Variants in USH2A observed in about 807,000 individuals in gnomAD.
USH2A encodes the protein Usher syndrome 2A (autosomal recessive, mild).
In USH2A, 443 loss-of-function variants were observed where a neutral mutation model predicts 538.9. The ratio of observed to expected loss-of-function variants is 0.82; its 90% confidence interval spans 0.76 to 0.89. USH2A has a LOEUF of 0.89. Among genes scored for constraint, USH2A ranks in the 40% least tolerant of loss-of-function variants. The pLI is 0.00. For missense variants in USH2A, 6,633 were observed against 6,324.8 expected, an observed-to-expected ratio of 1.05 and a Z score of -1.65; for synonymous variants, 2,413 against 2,273.5, an observed-to-expected ratio of 1.06 and a Z score of -1.75.
intron 21 of USH2A, among the ~76,000 whole-genome samples, chr1:216,172,906 G>T (rs1034610843): frequency 1.3e-5 from 2 of 152,098 alleles, no homozygotes; most frequent in Admixed American, 1.3e-4. Context: ...GTCTACAAAA[G>T]TTCCTTTCCA....
intron 21 of USH2A, among the ~76,000 whole-genome samples, chr1:216,157,032 C>A (rs1321357822): frequency 6.6e-6 from 1 of 152,018 alleles, no homozygotes; most frequent in Non-Finnish European, 1.5e-5. Flanking sequence ...CACCACCATG[C>A]CCAGCTAATT....
rs2038565764 is a variant in USH2A at position 216,364,940 on chromosome 1, G to A, written c.784+13C>T. 6.2e-7 allele frequency: 1 copy of A among 1,613,192 alleles called. No homozygotes were observed. The highest frequency in any genetic ancestry group is 8.5e-7 in the Non-Finnish European group (1 of 1,179,478). ...TGGATGAAATAAATAACATTCTGAA[G>A]TCAGAAACTTACCATTTAAACTCTG... On this transcript the variant is annotated intron_variant, in intron 4 of 71. Coordinates refer to ENST00000307340, the MANE Select transcript of USH2A (RefSeq NM_206933.4).
At chr1:215,755,826 G>T (rs957390746) in intron 58 of USH2A, among the ~76,000 whole-genome samples, 1 of 152,046 alleles carries the variant, frequency 6.6e-6, no homozygotes, top group Non-Finnish European at 1.5e-5. Context: ...TGAAAGTTGT[G>T]TTTTATTCCA....
Position 216,072,943 on chromosome 1 carries a change from G to A in USH2A, c.5803C>T (p.His1935Tyr). ...TEYLYRVIAS[H>Y]EGGSVYSDWS... ...TCACTATATACTGAACCTCCTTCATGCGAGGCTATCACTCGATACAGGTAT... is the reference window on the plus strand; with the variant it reads ...TCACTATATACTGAACCTCCTTCATACGAGGCTATCACTCGATACAGGTAT... Residue 1935 changes from histidine to tyrosine, a missense_variant, in exon 29 of 72, where the codon CAT (histidine) becomes TAT (tyrosine). Transcript: ENST00000307340. 6.2e-7 allele frequency: 1 copy of A among 1,613,912 alleles called. No individual in the cohort carries two copies. Among genetic ancestry groups the A allele is most frequent in the Non-Finnish European group, 8.5e-7 (1 of 1,179,888 alleles).
At chr1:216,011,657 G>A (rs1307671383) in intron 32 of USH2A, among the ~76,000 whole-genome samples, 1 of 152,048 alleles carries the variant, frequency 6.6e-6, no homozygotes, top group African/African-American at 2.4e-5. Context: ...GGCTGCTGCA[G>A]CCCTAATACT....
At chr1:216,195,400 T>C (rs2034816543) in intron 19 of USH2A, among the ~76,000 whole-genome samples, 1 of 152,092 alleles carries the variant, frequency 6.6e-6, no homozygotes, top group Non-Finnish European at 1.5e-5. Context: ...AGAATTTAGT[T>C]TACAGATAGG....
chr1:216,412,991 T>A (rs1298451419), intron 3 of USH2A, among the ~76,000 whole-genome samples: 1 of 152,084 alleles, frequency 6.6e-6, no homozygotes, highest in Non-Finnish European at 1.5e-5. Flanking sequence ...TTTAATATAG[T>A]GCACATAAAT....
At chr1:215,679,346 G>A (rs1310847502) in intron 62 of USH2A, among the ~76,000 whole-genome samples, 1 of 152,184 alleles carries the variant, frequency 6.6e-6, no homozygotes, top group African/African-American at 2.4e-5. Flanking sequence ...AGGGTAGTGT[G>A]TCTATAGCAG....
At chr1:216,330,709 C>T (rs914655954) in intron 4 of USH2A, among the ~76,000 whole-genome samples, 4 of 151,776 alleles carry the variant, frequency 2.6e-5, no homozygotes, top group African/African-American at 9.7e-5. Context: ...AAATGGGAAG[C>T]CATTGGAGGG....
chr1:216,109,177 G>A (rs1472346014), intron 21 of USH2A, among the ~76,000 whole-genome samples: 1 of 152,066 alleles, frequency 6.6e-6, no homozygotes. Context: ...CCACTTCTAG[G>A]GCCTCTTCAA....
At position 215,674,614 on chromosome 1, in the gene USH2A, C is replaced by A. The variant is rs111033381; in HGVS notation, c.13297G>T (p.Val4433Leu). The A allele has an allele frequency of 0.022, 34,795 of 1,614,142 alleles. 472 individuals are homozygous for A. The highest frequency in any genetic ancestry group is 0.024 in the Non-Finnish European group (28,267 of 1,180,022). ...ACTNGGCTASVSKSAWTMEAL... is the reference protein window; with the variant it reads ...ACTNGGCTASLSKSAWTMEAL... ...TCCATTGTCCAGGCAGATTTTGACA[C>A]ACTAGCTGTGCAACCTCCATTCGTG... Residue 4433 changes from valine to leucine, a missense_variant, in exon 63 of 72, where the codon GTG becomes TTG. By Grantham distance (32) the Val-to-Leu change is conservative. Transcript: ENST00000307340.
At chr1:215,650,271 GTGGT>G (rs1021735894) in intron 65 of USH2A, among the ~76,000 whole-genome samples, 1 of 152,144 alleles carries the variant, frequency 6.6e-6, no homozygotes, top group Non-Finnish European at 1.5e-5. Context: ...ACCACTCTAA[GTGGT>G]TGATCTGTTT....
chr1:216,175,212 C>T (rs577803553), intron 21 of USH2A, 40 bp downstream of exon 21: 1 of 1,612,324 alleles, frequency 6.2e-7, no homozygotes, highest in Admixed American at 1.7e-5. Context: ...CATTTTGGAG[C>T]TTCGTGTCTC....
chr1:215,659,837 C>G (rs770129248), intron 64 of USH2A, among the ~76,000 whole-genome samples: 6 of 152,084 alleles, frequency 3.9e-5, no homozygotes, highest in Non-Finnish European at 7.4e-5. Context: ...TTCAGCAGAG[C>G]CACCTTGAAC....
At chr1:215,960,667 C>A (rs1457303584) in intron 37 of USH2A, among the ~76,000 whole-genome samples, 2 of 152,076 alleles carry the variant, frequency 1.3e-5, no homozygotes, top group African/African-American at 4.8e-5. Context: ...CTAATCCTTA[C>A]TTTTATGGTG....
intron 50 of USH2A, 101 bp downstream of exon 50, chr1:215,798,806 T>G: frequency 2.3e-5 from 31 of 1,333,100 alleles, no homozygotes; most frequent in Non-Finnish European, 3.2e-5. Flanking sequence ...ATAACCAATG[T>G]GAGCTTTAAT....
At chr1:216,132,993 A>G (rs1214004894) in intron 21 of USH2A, among the ~76,000 whole-genome samples, 1 of 152,128 alleles carries the variant, frequency 6.6e-6, no homozygotes, top group Non-Finnish European at 1.5e-5. Context: ...CAAATTCCCA[A>G]AATGTTGATG....
Position 216,349,083 on chromosome 1 carries a change from C to T in USH2A, c.784+15870G>A, listed in dbSNP as rs377645700. ...ATACTCTTTGTGTAGGATAAGCTTA[C>T]CGAATGTTTTCTTAAATTAAATACT... On this transcript the variant is annotated intron_variant, in intron 4 of 71. Transcript: ENST00000307340. 5.9e-5 allele frequency among the ~76,000 whole-genome samples: 9 copies of T among 152,240 alleles called. No individual in the cohort carries two copies. The South Asian group carries it at 1.2e-3, about 21-fold the overall frequency.
intron 21 of USH2A, among the ~76,000 whole-genome samples, chr1:216,139,475 A>G (rs2033558520): frequency 6.6e-6 from 1 of 152,186 alleles, no homozygotes; most frequent in Admixed American, 6.5e-5. Flanking sequence ...TTCCAGGACT[A>G]TATGGCTGTG....
Sources: gnomAD v4.1 joint callset for allele counts (sites outside exome capture counted in the v4.1 genomes callset) on GRCh38, gnomAD v4.1.1 for gene constraint, MANE v1.5 for transcripts, NCBI Gene and HGNC (gene_info 2026-07-23, HGNC 2026-07-21) for gene names.